The following RTN1 variants were observed in gnomAD, a reference collection of about 807,000 sequenced individuals.
RTN1 encodes reticulon-1.
A neutral mutation model predicts 65.5 loss-of-function variants in RTN1; 25 were observed. That is an observed-to-expected ratio of 0.38 (90% CI 0.28 to 0.53). The LOEUF (loss-of-function observed/expected upper bound fraction) is 0.53, where lower values mean the gene tolerates loss of function less well. Among genes scored for constraint, RTN1 ranks in the 20% least tolerant of loss-of-function variants. The pLI is 0.79. For missense variants in RTN1, 983 were observed against 1,025.4 expected (o/e 0.96, Z 0.57); for synonymous variants, 471 against 447.6 (o/e 1.05, Z -0.66).
intron 3 of RTN1, among the ~76,000 whole-genome samples, chr14:59,637,688 G>A (rs1882693812): frequency 7.0e-6 from 1 of 143,530 alleles, no homozygotes; most frequent in Non-Finnish European, 1.5e-5. Context: ...CTCCAGCCTG[G>A]CAACAGAGGG....
chr14:59,633,243 T>C (rs1882593649), intron 3 of RTN1, among the ~76,000 whole-genome samples: 1 of 152,246 alleles, frequency 6.6e-6, no homozygotes, highest in Admixed American at 6.5e-5. Context: ...AAGATGGCTA[T>C]TTCACAGACA....
chr14:59,813,515 G>A (rs923133010), intron 1 of RTN1, among the ~76,000 whole-genome samples: 15 of 152,138 alleles, frequency 9.9e-5, no homozygotes, highest in Admixed American at 1.3e-4. Context: ...ATTTGAATAC[G>A]TGTATCTTTG....
At chr14:59,773,686 G>A (rs1029638156) in intron 1 of RTN1, among the ~76,000 whole-genome samples, 1 of 152,110 alleles carries the variant, frequency 6.6e-6, no homozygotes, top group African/African-American at 2.4e-5. Flanking sequence ...TTTAATGGGG[G>A]AAAGAGCATG....
At position 59,749,310 on chromosome 14, in the gene RTN1, ATATATATATCTATATATC is replaced by A. The variant is rs1566711454; in HGVS notation, c.242-2847_242-2830del. On this transcript the variant is annotated intron_variant, in intron 1 of 8. Transcript: ENST00000267484. Reference sequence around the variant, plus strand: ...TATCTATATATATCTATATATATCTATATATATATCTATATATCTATATATATCTATATATATCTATAT... The same window carrying A: ...TATCTATATATATCTATATATATCTATATATATATCTATATATATCTATAT... Among the ~76,000 whole-genome samples the A allele has an allele frequency of 9.8e-3, 300 of 30,634 alleles. 40 individuals are homozygous for A. Among genetic ancestry groups the A allele is most frequent in the African/African-American group, 0.05 (289 of 5,768 alleles). The allele number at this position is 30,634 out of a possible 152,430, so 20.1% of individuals were successfully genotyped here. A position where few individuals can be genotyped will look rare whatever the true frequency, so the allele number is the denominator to read the frequency against.
intron 3 of RTN1, among the ~76,000 whole-genome samples, chr14:59,701,951 T>C (rs1278388629): frequency 6.6e-6 from 1 of 152,124 alleles, no homozygotes; most frequent in Non-Finnish European, 1.5e-5. Context: ...AACTGTAAAA[T>C]TACTGAATTG....
At chr14:59,852,213 G>A (rs1160141297) in intron 1 of RTN1, among the ~76,000 whole-genome samples, 2 of 152,216 alleles carry the variant, frequency 1.3e-5, no homozygotes, top group African/African-American at 4.8e-5. Flanking sequence ...TCTAGTTAGA[G>A]AAGTCAGTTG....
intron 1 of RTN1, among the ~76,000 whole-genome samples, chr14:59,748,995 G>C (rs1236337383): frequency 6.7e-6 from 1 of 150,212 alleles, no homozygotes; most frequent in Non-Finnish European, 1.5e-5. Context: ...TTGTCATGTC[G>C]GCCAGATGGT....
intron 3 of RTN1, among the ~76,000 whole-genome samples, chr14:59,689,984 C>CTT (rs113453078): frequency 6.7e-6 from 1 of 148,456 alleles, no homozygotes; most frequent in African/African-American, 2.5e-5. Context: ...ATGTAATTTC[C>CTT]TTTTTTTTTT....
chr14:59,664,132 T>C (rs377396672), intron 3 of RTN1, among the ~76,000 whole-genome samples: 8 of 152,102 alleles, frequency 5.3e-5, no homozygotes, highest in African/African-American at 1.7e-4. Context: ...GAATACTATG[T>C]AGCCACAGCA....
At chr14:59,775,500 T>C (rs926629271) in intron 1 of RTN1, among the ~76,000 whole-genome samples, 2 of 152,162 alleles carry the variant, frequency 1.3e-5, no homozygotes, top group African/African-American at 4.8e-5. Flanking sequence ...TGATAGTTAA[T>C]ACTTATAAAC....
At chr14:59,709,155 G>T (rs555745461) in intron 3 of RTN1, among the ~76,000 whole-genome samples, 1 of 152,228 alleles carries the variant, frequency 6.6e-6, no homozygotes, top group African/African-American at 2.4e-5. Context: ...GATGTACACT[G>T]AAGCTTGTAG....
intron 3 of RTN1, among the ~76,000 whole-genome samples, chr14:59,680,166 C>T (rs1202025698): frequency 6.6e-6 from 1 of 152,260 alleles, no homozygotes; most frequent in East Asian, 1.9e-4. Context: ...TAGCTATTGC[C>T]TTCTAAGAGC....
chr14:59,779,995 G>C (rs1419762280), intron 1 of RTN1, among the ~76,000 whole-genome samples: 1 of 152,118 alleles, frequency 6.6e-6, no homozygotes, highest in South Asian at 2.1e-4. Flanking sequence ...AGTTCTACCA[G>C]GACTTGAAAG....
intron 1 of RTN1, among the ~76,000 whole-genome samples, chr14:59,844,446 T>C (rs1437770354): frequency 6.6e-6 from 1 of 152,204 alleles, no homozygotes; most frequent in African/African-American, 2.4e-5. Flanking sequence ...TATAGTTAGC[T>C]ACATGTAAGC....
At chr14:59,719,014 T>C (rs1884595148) in intron 3 of RTN1, among the ~76,000 whole-genome samples, 1 of 152,206 alleles carries the variant, frequency 6.6e-6, no homozygotes, top group South Asian at 2.1e-4. Context: ...CTTCCTAATT[T>C]GTCTTCCTGC....
intron 1 of RTN1, among the ~76,000 whole-genome samples, chr14:59,834,559 T>C (rs1181337162): frequency 6.6e-6 from 1 of 152,082 alleles, no homozygotes; most frequent in East Asian, 1.9e-4. Context: ...TTTGAACAGA[T>C]ACCTAATGAA....
chr14:59,802,576 T>C (rs971447696), intron 1 of RTN1, among the ~76,000 whole-genome samples: 17 of 152,232 alleles, frequency 1.1e-4, no homozygotes, highest in Admixed American at 7.9e-4. Flanking sequence ...TTAGATGTGA[T>C]TTTATATGAG....
chr14:59,653,027 A>G (rs571478694), intron 3 of RTN1, among the ~76,000 whole-genome samples: 34 of 152,282 alleles, frequency 2.2e-4, no homozygotes, highest in Middle Eastern at 3.4e-3. Flanking sequence ...ATCCTGGAAA[A>G]TGTCCCAAAT....
At chr14:59,856,236 A>G (rs940173755) in intron 1 of RTN1, among the ~76,000 whole-genome samples, 2 of 152,294 alleles carry the variant, frequency 1.3e-5, no homozygotes, top group Admixed American at 1.3e-4. Flanking sequence ...ATTTAGCAGA[A>G]GGGATAGAGA....
Sources: allele counts gnomAD v4.1 joint callset (sites outside exome capture counted in the v4.1 genomes callset), GRCh38; gene constraint gnomAD v4.1.1; transcripts MANE v1.5; gene names NCBI Gene and HGNC (gene_info 2026-07-23, HGNC 2026-07-21).